CAMK2D: variants seen among roughly 807,000 people sequenced by gnomAD.
The protein encoded by CAMK2D is calcium/calmodulin-dependent protein kinase type II subunit delta.
In CAMK2D, 37 loss-of-function variants were observed where a neutral mutation model predicts 84.0. The ratio of observed to expected loss-of-function variants is 0.44; its 90% CI spans 0.34 to 0.58. The LOEUF (loss-of-function observed/expected upper bound fraction) is 0.58. Among genes scored for constraint, CAMK2D ranks in the 20% least tolerant of loss-of-function variants. CAMK2D has a pLI of 0.02. For synonymous variants in CAMK2D, 202 were observed against 212.5 expected (o/e 0.95, Z 0.43); for missense variants, 448 against 652.5 (o/e 0.69, Z 3.41).
intron 3 of CAMK2D, among the ~76,000 whole-genome samples, chr4:113,610,056 T>G (rs1003456554): frequency 2.6e-5 from 4 of 152,184 alleles, no homozygotes; most frequent in African/African-American, 9.7e-5. Context: ...TTTATTTTTA[T>G]TTTTTACTTT....
At chr4:113,573,266 C>T (rs1380506288) in intron 4 of CAMK2D, among the ~76,000 whole-genome samples, 2 of 152,204 alleles carry the variant, frequency 1.3e-5, no homozygotes, top group Non-Finnish European at 2.9e-5. Flanking sequence ...CACATACACA[C>T]ACATACAATC....
chr4:113,684,006 G>A (rs2099352774), intron 2 of CAMK2D, among the ~76,000 whole-genome samples: 1 of 152,152 alleles, frequency 6.6e-6, no homozygotes, highest in African/African-American at 2.4e-5. Context: ...TTTGTAAAAT[G>A]AGGATGTTAA....
chr4:113,542,860 A>G (rs2098539974), intron 6 of CAMK2D, among the ~76,000 whole-genome samples: 1 of 151,980 alleles, frequency 6.6e-6, no homozygotes, highest in Non-Finnish European at 1.5e-5. Context: ...CTTCATTAAA[A>G]TCTCTCTCTT....
At chr4:113,721,004 G>C (rs1007487494) in intron 2 of CAMK2D, among the ~76,000 whole-genome samples, 1 of 152,056 alleles carries the variant, frequency 6.6e-6, no homozygotes, top group African/African-American at 2.4e-5. Flanking sequence ...AGGATAAACA[G>C]GCTGAAATAC....
rs1268772782 is a variant in CAMK2D at position 113,759,426 on chromosome 4, T to C, written c.66-12A>G. On this transcript the variant is annotated splice_polypyrimidine_tract_variant and intron_variant, in intron 1 of 20. Transcript: ENST00000511664. ...CTGAGAATGCCCCCCTGGAAACCAATAATTAGCAGGTCATTAATATAACAG... is the reference window on the plus strand; with the variant it reads ...CTGAGAATGCCCCCCTGGAAACCAACAATTAGCAGGTCATTAATATAACAG... The C allele has an allele frequency of 6.7e-7, 1 of 1,482,694 alleles. No homozygotes were observed. The highest frequency in any genetic ancestry group is 1.7e-5 in the Admixed American group (1 of 57,918). The allele number at this position is 1,482,694 out of a possible 1,614,324, so 91.8% of individuals were successfully genotyped here.
Position 113,454,520 on chromosome 4 carries a change from A to C in CAMK2D, c.*30-5T>G, listed in dbSNP as rs777690638. 1.8e-5 allele frequency: 14 copies of C among 778,700 alleles called. No homozygotes were observed. Among genetic ancestry groups the C allele is most frequent in the African/African-American group, 3.4e-5 (2 of 59,016 alleles). The allele number at this position is 778,700 out of a possible 1,614,324, so 48.2% of individuals were successfully genotyped here. On this transcript the variant is annotated splice_polypyrimidine_tract_variant and splice_region_variant and intron_variant, in intron 20 of 20. Transcript: ENST00000511664. Reference sequence around the variant, plus strand: ...AGTGGCACTGTTGAAATTTAGCTGAAAGGAGAAAGGGGGAGGAAGAAATAA... The same window carrying C: ...AGTGGCACTGTTGAAATTTAGCTGACAGGAGAAAGGGGGAGGAAGAAATAA...
At chr4:113,538,528 G>A (rs1467561320) in intron 6 of CAMK2D, among the ~76,000 whole-genome samples, 1 of 152,084 alleles carries the variant, frequency 6.6e-6, no homozygotes, top group Non-Finnish European at 1.5e-5. Flanking sequence ...AAAAAGTTGG[G>A]AAACAATGGA....
chr4:113,644,567 G>A (rs1379046135), intron 3 of CAMK2D, among the ~76,000 whole-genome samples: 2 of 152,244 alleles, frequency 1.3e-5, no homozygotes, highest in South Asian at 2.1e-4. Context: ...ATGGGCAACC[G>A]AGAAGGTAGG....
intron 2 of CAMK2D, among the ~76,000 whole-genome samples, chr4:113,681,866 TA>T (rs747148770): frequency 0.011 from 1,612 of 144,366 alleles, 17 homozygotes; most frequent in East Asian, 0.044. Flanking sequence ...CATATTCAAT[TA>T]AAAAAAAAAA....
intron 16 of CAMK2D, among the ~76,000 whole-genome samples, chr4:113,473,693 T>C (rs1433903767): frequency 1.3e-5 from 2 of 152,198 alleles, no homozygotes; most frequent in African/African-American, 2.4e-5. Flanking sequence ...TGCAGAGTAG[T>C]TTCATAGTAC....
intron 3 of CAMK2D, among the ~76,000 whole-genome samples, chr4:113,631,339 C>T (rs1053112639): frequency 2.6e-5 from 4 of 152,216 alleles, no homozygotes; most frequent in Middle Eastern, 3.4e-3. Context: ...ATGGCAAAAC[C>T]TCGTCTCCAT....
At chr4:113,586,292 T>C (rs574749981) in intron 4 of CAMK2D, among the ~76,000 whole-genome samples, 1 of 152,300 alleles carries the variant, frequency 6.6e-6, no homozygotes, top group Admixed American at 6.5e-5. Flanking sequence ...CTGGAACTGC[T>C]GGAGGTCACC....
At chr4:113,599,114 C>T (rs1013974395) in intron 4 of CAMK2D, among the ~76,000 whole-genome samples, 2 of 152,102 alleles carry the variant, frequency 1.3e-5, no homozygotes, top group East Asian at 1.9e-4. Context: ...TGGAATATCA[C>T]TACACACCTA....
chr4:113,487,515 T>C (rs1250795628), intron 16 of CAMK2D, among the ~76,000 whole-genome samples: 1 of 152,088 alleles, frequency 6.6e-6, no homozygotes, highest in East Asian at 1.9e-4. Context: ...AATTAGGATT[T>C]AACTTCTATA....
chr4:113,549,043 T>A (rs1042754860), intron 5 of CAMK2D, among the ~76,000 whole-genome samples: 1 of 152,056 alleles, frequency 6.6e-6, no homozygotes, highest in African/African-American at 2.4e-5. Flanking sequence ...GAAAGAAAAA[T>A]TTATAAAGAA....
intron 3 of CAMK2D, among the ~76,000 whole-genome samples, chr4:113,624,035 C>T (rs1658719628): frequency 6.6e-6 from 1 of 152,090 alleles, no homozygotes; most frequent in Admixed American, 6.6e-5. Context: ...CTACTCCAGT[C>T]CCTACCATAG....
intron 2 of CAMK2D, among the ~76,000 whole-genome samples, chr4:113,744,643 C>T (rs1200916425): frequency 6.6e-6 from 1 of 152,132 alleles, no homozygotes; most frequent in African/African-American, 2.4e-5. Flanking sequence ...CTATCTTCTC[C>T]GTGCAAATGA....
At chr4:113,739,476 A>G (rs2099588085) in intron 2 of CAMK2D, among the ~76,000 whole-genome samples, 1 of 152,182 alleles carries the variant, frequency 6.6e-6, no homozygotes, top group African/African-American at 2.4e-5. Flanking sequence ...TGGATCCAAT[A>G]TAAGACTTAT....
chr4:113,662,012 C>T (rs1350824106), intron 2 of CAMK2D, among the ~76,000 whole-genome samples: 2 of 152,030 alleles, frequency 1.3e-5, no homozygotes, highest in African/African-American at 4.8e-5. Flanking sequence ...ATTTAGACTT[C>T]GGGAAAATAG....
Sources: gnomAD v4.1 joint callset for allele counts (sites outside exome capture counted in the v4.1 genomes callset) on GRCh38, gnomAD v4.1.1 for gene constraint, MANE v1.5 for transcripts, NCBI Gene and HGNC (gene_info 2026-07-23, HGNC 2026-07-21) for gene names.